The following CRIM1 variants were observed in gnomAD, a reference collection of about 807,000 sequenced individuals.
CRIM1 encodes cysteine rich transmembrane BMP regulator 1, also known as cysteine-rich motor neuron 1 protein.
In CRIM1, 32 loss-of-function variants were observed where a neutral mutation model predicts 116.4. The ratio of observed to expected loss-of-function variants is 0.27; its 90% confidence interval spans 0.21 to 0.37. CRIM1 has a LOEUF of 0.37. Among genes scored for constraint, CRIM1 ranks in the 10% least tolerant of loss-of-function variants. The pLI is 1.00. For synonymous variants in CRIM1, 590 were observed against 509.2 expected, an observed-to-expected ratio of 1.16 and a Z score of -2.13; for missense variants, 1,331 against 1,354.8, an observed-to-expected ratio of 0.98 and a Z score of 0.28.
intron 14 of CRIM1, among the ~76,000 whole-genome samples, chr2:36,541,868 G>GTCTT (rs1666967636): frequency 6.6e-6 from 1 of 152,182 alleles, no homozygotes; most frequent in African/African-American, 2.4e-5. Flanking sequence ...GTTGAAGGCG[G>GTCTT]TCTTTGGCCA....
At chr2:36,383,138 G>C (rs1345217256) in intron 1 of CRIM1, among the ~76,000 whole-genome samples, 1 of 151,648 alleles carries the variant, frequency 6.6e-6, no homozygotes. Flanking sequence ...CTACTTAACT[G>C]CATGTGGGAA....
At chr2:36,397,180 C>T (rs2148379978) in intron 2 of CRIM1, among the ~76,000 whole-genome samples, 1 of 152,278 alleles carries the variant, frequency 6.6e-6, no homozygotes, top group South Asian at 2.1e-4. Context: ...AAAGAGTTAT[C>T]TCTTTAGCAG....
At chr2:36,399,549 G>A (rs545452523) in intron 2 of CRIM1, among the ~76,000 whole-genome samples, 11 of 152,312 alleles carry the variant, frequency 7.2e-5, no homozygotes, top group African/African-American at 2.6e-4. Flanking sequence ...GATAGTGCAA[G>A]TAATAGAAGT....
intron 4 of CRIM1, among the ~76,000 whole-genome samples, chr2:36,448,256 AC>A (rs1327683765): frequency 6.6e-6 from 1 of 152,236 alleles, no homozygotes; most frequent in Non-Finnish European, 1.5e-5. Flanking sequence ...GGTTGAGCTT[AC>A]CTGAGAGAAA....
At chr2:36,536,488 G>A (rs1183230453) in intron 13 of CRIM1, among the ~76,000 whole-genome samples, 2 of 152,244 alleles carry the variant, frequency 1.3e-5, no homozygotes, top group East Asian at 1.9e-4. Context: ...CCCCGCCACC[G>A]GGTTTCGATT....
At chr2:36,389,390 T>G (rs1671410260) in intron 1 of CRIM1, among the ~76,000 whole-genome samples, 1 of 152,182 alleles carries the variant, frequency 6.6e-6, no homozygotes, top group Admixed American at 6.5e-5. Context: ...TAGGCTGGCA[T>G]GAAAAGAGAT....
rs146874175 is a variant in CRIM1, at chr2:36,489,015, A to C, written c.1372+9321A>C. ...CTTACCTCATCCCTGACTGCAGCTTATTCTTTTCTAGCTAAAATTTACCTG... is the reference window on the plus strand; with the variant it reads ...CTTACCTCATCCCTGACTGCAGCTTCTTCTTTTCTAGCTAAAATTTACCTG... On this transcript the variant is annotated intron_variant, in intron 7 of 16. Transcript: ENST00000280527. Among the ~76,000 whole-genome samples, 16 of 152,298 alleles carry C rather than the reference A, an allele frequency of 1.1e-4. No individual in the cohort carries two copies. The East Asian group carries it at 3.1e-3, about 29-fold the overall frequency.
At chr2:36,535,191 A>T (rs1666455501) in intron 13 of CRIM1, among the ~76,000 whole-genome samples, 2 of 137,764 alleles carry the variant, frequency 1.5e-5, no homozygotes, top group Non-Finnish European at 1.6e-5. Flanking sequence ...GAGGGAGGGT[A>T]AAAAGGAGGG....
At chr2:36,427,812 C>T (rs374118151) in intron 2 of CRIM1, among the ~76,000 whole-genome samples, 73 of 152,322 alleles carry the variant, frequency 4.8e-4, no homozygotes, top group African/African-American at 1.7e-3. Flanking sequence ...CCCTTGTATT[C>T]CATCTTGCAG....
At chr2:36,529,724 T>G (rs530407098) in intron 13 of CRIM1, among the ~76,000 whole-genome samples, 1 of 152,326 alleles carries the variant, frequency 6.6e-6, no homozygotes, top group African/African-American at 2.4e-5. Flanking sequence ...CAAAAGTGAC[T>G]GTGTTTACTA....
intron 3 of CRIM1, among the ~76,000 whole-genome samples, chr2:36,442,003 C>T (rs757128632): frequency 3.9e-5 from 6 of 152,174 alleles, no homozygotes; most frequent in Non-Finnish European, 7.3e-5. Flanking sequence ...CCCGCATCTG[C>T]CCTCTTTACT....
At chr2:36,389,935 T>C (rs1671447737) in intron 1 of CRIM1, among the ~76,000 whole-genome samples, 1 of 152,160 alleles carries the variant, frequency 6.6e-6, no homozygotes, top group Non-Finnish European at 1.5e-5. Flanking sequence ...TCTTCACATA[T>C]CTGGTGTTCG....
chr2:36,364,279 C>T (rs1480020864), intron 1 of CRIM1, among the ~76,000 whole-genome samples: 1 of 152,156 alleles, frequency 6.6e-6, no homozygotes, highest in Admixed American at 6.5e-5. Context: ...AAAGCTAGTA[C>T]CTATGTATAC....
intron 14 of CRIM1, among the ~76,000 whole-genome samples, chr2:36,542,628 G>A (rs1413477475): frequency 6.6e-6 from 1 of 152,162 alleles, no homozygotes; most frequent in Non-Finnish European, 1.5e-5. Context: ...CCTTTACACT[G>A]AGGCCTCAGA....
At chr2:36,504,766 A>G (rs1377985946) in intron 8 of CRIM1, among the ~76,000 whole-genome samples, 1 of 152,264 alleles carries the variant, frequency 6.6e-6, no homozygotes, top group Non-Finnish European at 1.5e-5. Flanking sequence ...GTCTTTTGCT[A>G]ATAGACGTAA....
chr2:36,464,510 TC>T (rs1434144937), intron 4 of CRIM1, 23 bp from the exon 5 acceptor site: 1 of 1,613,870 alleles, frequency 6.2e-7, no homozygotes. Flanking sequence ...CATGGGGTTT[TC>T]CTTCCCTTTT....
At chr2:36,537,316 A>G (rs749973323) in intron 13 of CRIM1, 36 bp from the exon 14 acceptor site, 1 of 1,594,590 alleles carries the variant, frequency 6.3e-7, no homozygotes, top group East Asian at 2.2e-5. Flanking sequence ...GCGTTGTCAC[A>G]TCAGCGACTC....
At chr2:36,456,797 G>T (rs1027718533) in intron 4 of CRIM1, among the ~76,000 whole-genome samples, 1 of 151,756 alleles carries the variant, frequency 6.6e-6, no homozygotes, top group Non-Finnish European at 1.5e-5. Flanking sequence ...ACCACCCACC[G>T]CTGGGGTTGA....
intron 8 of CRIM1, among the ~76,000 whole-genome samples, chr2:36,508,445 G>A (rs980873336): frequency 2.0e-5 from 3 of 152,130 alleles, no homozygotes; most frequent in Non-Finnish European, 4.4e-5. Context: ...GGACAGATGC[G>A]TTCTGTTTTT....
Sources: gnomAD v4.1 joint callset for allele counts (sites outside exome capture counted in the v4.1 genomes callset) on GRCh38, gnomAD v4.1.1 for gene constraint, MANE v1.5 for transcripts, NCBI Gene and HGNC (gene_info 2026-07-23, HGNC 2026-07-21) for gene names.